GABRG1: variants seen among roughly 807,000 people sequenced by gnomAD.
The protein encoded by GABRG1 is gamma-aminobutyric acid receptor subunit gamma-1.
Under a neutral mutation model 49.8 loss-of-function variants are expected in GABRG1, and 49 were observed. That is an observed-to-expected ratio of 0.98 (90% CI 0.78 to 1.25). The LOEUF is 1.25. Among genes scored for constraint, GABRG1 ranks in the 50% most tolerant of loss-of-function variants. The pLI, the probability that GABRG1 is intolerant of heterozygous loss-of-function variation, is 0.00. For missense variants in GABRG1, 552 were observed against 552.3 expected (o/e 1.00, Z 0.01); for synonymous variants, 232 against 185.1 (o/e 1.25, Z -2.06).
chr4:46,043,269 A>T (rs1008408736), intron 8 of GABRG1, among the ~76,000 whole-genome samples: 1 of 151,964 alleles, frequency 6.6e-6, no homozygotes, highest in African/African-American at 2.4e-5. Context: ...AAAAACTGCA[A>T]GGGGTTTATT....
chr4:46,061,761 G>C (rs1353358090), intron 5 of GABRG1, among the ~76,000 whole-genome samples: 2 of 147,820 alleles, frequency 1.4e-5, no homozygotes, highest in East Asian at 3.9e-4. Context: ...CAGGAATGAA[G>C]AGTTAAAAAT....
intron 2 of GABRG1, among the ~76,000 whole-genome samples, chr4:46,096,315 G>A (rs1050231169): frequency 6.6e-6 from 1 of 151,648 alleles, no homozygotes; most frequent in African/African-American, 2.4e-5. Flanking sequence ...TAACAACTGA[G>A]AATCCCGAGT....
chr4:46,062,885 G>C (rs1331442015), intron 5 of GABRG1, among the ~76,000 whole-genome samples: 5 of 151,916 alleles, frequency 3.3e-5, no homozygotes, highest in Non-Finnish European at 5.9e-5. Flanking sequence ...CAGACAAACA[G>C]AGAGCCAAAT....
At chr4:46,056,484 A>G (rs1275642027) in intron 7 of GABRG1, among the ~76,000 whole-genome samples, 3 of 152,074 alleles carry the variant, frequency 2.0e-5, no homozygotes, top group East Asian at 3.9e-4. Context: ...AGACTCCACA[A>G]TATAAAATAG....
intron 3 of GABRG1, among the ~76,000 whole-genome samples, chr4:46,068,300 A>G (rs1021019230): frequency 6.6e-6 from 1 of 152,150 alleles, no homozygotes; most frequent in East Asian, 1.9e-4. Context: ...ACTGGTTGGT[A>G]GAGGGAATGT....
At chr4:46,046,212 T>A (rs893629030) in intron 8 of GABRG1, among the ~76,000 whole-genome samples, 1 of 152,134 alleles carries the variant, frequency 6.6e-6, no homozygotes, top group Non-Finnish European at 1.5e-5. Flanking sequence ...GGAATTTTAC[T>A]CAATGATTAA....
intron 4 of GABRG1, among the ~76,000 whole-genome samples, 180 bp from the exon 5 acceptor site, chr4:46,064,703 T>C (rs1193189892): frequency 6.6e-6 from 1 of 152,070 alleles, no homozygotes; most frequent in East Asian, 1.9e-4. Flanking sequence ...TATTTATATA[T>C]GACAGAATTC....
At chr4:46,062,271 A>C (rs1333349116) in intron 5 of GABRG1, among the ~76,000 whole-genome samples, 2 of 151,684 alleles carry the variant, frequency 1.3e-5, no homozygotes, top group African/African-American at 4.8e-5. Context: ...AATCCAGTCT[A>C]TCATTGTTGG....
At position 46,049,871 on chromosome 4, in the gene GABRG1, A is replaced by G. The variant is rs1718148174; in HGVS notation, c.1131+1553T>C. On this transcript the variant is annotated intron_variant, in intron 8 of 8. Coordinates refer to ENST00000295452, the MANE Select transcript of GABRG1 (RefSeq NM_173536.4). ...TGTTTTGGTTGTGTCCTTCGATAAT[A>G]TAATAGTGGTACCTAAATTATTTAT... Among the ~76,000 whole-genome samples, 3 of 151,898 alleles carry G rather than the reference A, an allele frequency of 2.0e-5. No individual in the cohort carries two copies. In the Admixed American group the frequency reaches 2.0e-4, roughly 10 times the overall value.
chr4:46,115,134 G>T (rs1560376082), intron 1 of GABRG1, among the ~76,000 whole-genome samples: 1 of 150,640 alleles, frequency 6.6e-6, no homozygotes, highest in Non-Finnish European at 1.5e-5. Flanking sequence ...GAATTTATAA[G>T]ATATTATTTA....
chr4:46,097,014 C>A (rs1285410713), intron 2 of GABRG1, among the ~76,000 whole-genome samples, 187 bp downstream of exon 2: 2 of 151,042 alleles, frequency 1.3e-5, no homozygotes, highest in Non-Finnish European at 3.0e-5. Flanking sequence ...AATTTTTTTT[C>A]TTTTTTCTTA....
chr4:46,073,689 T>A (rs1719223480), intron 3 of GABRG1, among the ~76,000 whole-genome samples: 1 of 152,036 alleles, frequency 6.6e-6, no homozygotes, highest in Non-Finnish European at 1.5e-5. Flanking sequence ...ATGCCTGCAA[T>A]CTTGAATAGT....
In GABRG1 at chr4:46,053,840, C is replaced by T. The variant is rs147553243; in HGVS notation, c.917-2202G>A. ...ATCACTGTCATTACCTTGAGAAGAA[C>T]ATAGTGGATTTTCTATTAAAATATT... On this transcript the variant is annotated intron_variant, in intron 7 of 8. Transcript: ENST00000295452. Among the ~76,000 whole-genome samples the T allele has an allele frequency of 2.8e-3, 431 of 152,054 alleles. 6 individuals are homozygous for T. The highest frequency in any genetic ancestry group is 0.01 in the African/African-American group (418 of 41,506).
chr4:46,116,360 T>G (rs370552915), intron 1 of GABRG1, among the ~76,000 whole-genome samples: 5 of 150,966 alleles, frequency 3.3e-5, no homozygotes, highest in African/African-American at 7.2e-5. Context: ...ATTTTCATAG[T>G]GCCTGACAGA....
chr4:46,050,891 C>A (rs1333185835), intron 8 of GABRG1, among the ~76,000 whole-genome samples: 1 of 151,682 alleles, frequency 6.6e-6, no homozygotes, highest in African/African-American at 2.4e-5. Context: ...GTCAATAACC[C>A]CATACATGAG....
rs35499257 is a variant in GABRG1, at chr4:46,092,703, TA to T, written c.253+4497del. Among the ~76,000 whole-genome samples, 503 of 151,752 alleles carry T rather than the reference TA, an allele frequency of 3.3e-3. 4 individuals are homozygous for T. The Middle Eastern group carries it at 0.038, about 11-fold the overall frequency. ...AAATAGGAACAATATACATATTTCC[TA>T]AAAAAAATTACTTAATGAAGGACAC... On this transcript the variant is annotated intron_variant, in intron 2 of 8. Coordinates refer to ENST00000295452, the MANE Select transcript of GABRG1 (RefSeq NM_173536.4).
Position 46,088,811 on chromosome 4 carries a change from GTGTT to G in GABRG1, c.254-4762_254-4759del, listed in dbSNP as rs1171352212. Among the ~76,000 whole-genome samples the G allele has an allele frequency of 4.0e-3, 577 of 145,716 alleles. 3 individuals are homozygous for G. Among genetic ancestry groups the G allele is most frequent in the Middle Eastern group, 0.014 (4 of 290 alleles). On this transcript the variant is annotated intron_variant, in intron 2 of 8. Transcript: ENST00000295452. ...ATGGCATGTGTGTGTGTGTTTGTGT[GTGTT>G]TGTGTGTGTGTGTGTGTGTGTGTGT...
Position 46,120,752 on chromosome 4 carries a change from C to A in GABRG1, c.104+3058G>T, listed in dbSNP as rs1452665345. On this transcript the variant is annotated intron_variant, in intron 1 of 8. Transcript: ENST00000295452. Reference sequence around the variant, plus strand: ...GTTTATTTGAATATTTTCAACCGGGCAACTGAATGCCACATAGTATGATTA... The same window carrying A: ...GTTTATTTGAATATTTTCAACCGGGAAACTGAATGCCACATAGTATGATTA... 3.3e-5 allele frequency among the ~76,000 whole-genome samples: 5 copies of A among 151,618 alleles called. No individual in the cohort carries two copies. In the Admixed American group the frequency reaches 3.3e-4, roughly 10 times the overall value.
At chr4:46,113,185 A>G (rs943557697) in intron 1 of GABRG1, among the ~76,000 whole-genome samples, 6 of 151,146 alleles carry the variant, frequency 4.0e-5, no homozygotes, top group African/African-American at 1.5e-4. Context: ...TTATACTGCT[A>G]TAAAGAACTG....
Sources: gnomAD v4.1 joint callset for allele counts (sites outside exome capture counted in the v4.1 genomes callset) on GRCh38, gnomAD v4.1.1 for gene constraint, MANE v1.5 for transcripts, NCBI Gene and HGNC (gene_info 2026-07-23, HGNC 2026-07-21) for gene names.